The following TEKT5 variants were observed in gnomAD, a reference collection of about 807,000 sequenced individuals.
The protein encoded by TEKT5 is tektin 5, also known as tektin-5.
In TEKT5, 52 loss-of-function variants were observed where a neutral mutation model predicts 48.7. The observed-to-expected ratio is 1.07, with a 90% CI of 0.86 to 1.35. The LOEUF is 1.35. Among genes scored for constraint, TEKT5 ranks in the 40% most tolerant of loss-of-function variants. The pLI is 0.00. For synonymous variants in TEKT5, 318 were observed against 267.6 expected (o/e 1.19, Z -1.84); for missense variants, 831 against 641.6 (o/e 1.30, Z -3.19).
intron 3 of TEKT5, 139 bp from the exon 4 acceptor site, chr16:10,682,275 T>C (rs1318436850): frequency 4.6e-6 from 4 of 872,208 alleles, no homozygotes; most frequent in Non-Finnish European, 7.0e-6. Context: ...CCCACCTCCA[T>C]GTCCCACCAC....
chr16:10,652,765 AACACACACAC>A (rs59542661), intron 5 of TEKT5, among the ~76,000 whole-genome samples: 1 of 33,978 alleles, frequency 2.9e-5, no homozygotes, highest in African/African-American at 1.9e-4. Flanking sequence ...TACACAGGCA[AACACACACAC>A]ACACACACAC....
At chr16:10,655,860 C>G (rs1368698985) in intron 5 of TEKT5, among the ~76,000 whole-genome samples, 1 of 152,120 alleles carries the variant, frequency 6.6e-6, no homozygotes, top group Non-Finnish European at 1.5e-5. Flanking sequence ...TACCATGAAG[C>G]CATCTTGCAA....
intron 3 of TEKT5, among the ~76,000 whole-genome samples, chr16:10,684,654 G>C (rs1232771774): frequency 6.6e-6 from 1 of 152,124 alleles, no homozygotes; most frequent in East Asian, 1.9e-4. Context: ...AAACATGTTA[G>C]AGAATTAGAG....
At chr16:10,688,059 G>C (rs1898895165) in intron 3 of TEKT5, among the ~76,000 whole-genome samples, 1 of 152,120 alleles carries the variant, frequency 6.6e-6, no homozygotes, top group Non-Finnish European at 1.5e-5. Context: ...TTGTGCTTAA[G>C]GTTTTTTTAA....
intron 3 of TEKT5, among the ~76,000 whole-genome samples, chr16:10,688,946 C>T (rs1019289581): frequency 3.9e-5 from 6 of 152,150 alleles, no homozygotes; most frequent in East Asian, 1.9e-4. Context: ...CCAGGGCTCT[C>T]GCTGTAAACA....
chr16:10,631,675 A>C lies in TEKT5; in HGVS notation c.1242-3876T>G, dbSNP rs1380014970. On this transcript the variant is annotated intron_variant, in intron 6 of 6. Coordinates refer to ENST00000283025, the MANE Select transcript of TEKT5 (RefSeq NM_144674.2). ...GACTGATCTCCTGATAAGAGAAAGG[A>C]GAGGGAGGTTTGAGACATGGAGACA... is the stretch of plus-strand genomic sequence containing the variant. Among the ~76,000 whole-genome samples the C allele has an allele frequency of 3.3e-5, 5 of 152,052 alleles. No individual in the cohort carries two copies. In the East Asian group the frequency reaches 9.6e-4, roughly 29 times the overall value.
At position 10,646,060 on chromosome 16, in the gene TEKT5, G is replaced by A. The variant is rs181184722; in HGVS notation, c.1087-10142C>T. 1.9e-3 allele frequency among the ~76,000 whole-genome samples: 288 copies of A among 151,886 alleles called. 1 individual carries two copies. The highest frequency in any genetic ancestry group is 6.7e-3 in the African/African-American group (277 of 41,412). The stretch of plus-strand genomic sequence containing the variant: ...AGGAAGGATTGCTTGAGCCCAGAAG[G>A]TCGAGGTCGCACTCAGCTATGATCA... On this transcript the variant is annotated intron_variant, in intron 5 of 6. Transcript: ENST00000283025.
chr16:10,688,035 C>G (rs1180592856), intron 3 of TEKT5, among the ~76,000 whole-genome samples: 2 of 152,162 alleles, frequency 1.3e-5, no homozygotes, highest in African/African-American at 2.4e-5. Flanking sequence ...TTATTGTTGA[C>G]TGTAGTCACC....
chr16:10,664,149 AT>A (rs1244872310), intron 5 of TEKT5, among the ~76,000 whole-genome samples: 1 of 152,016 alleles, frequency 6.6e-6, no homozygotes, highest in Non-Finnish European at 1.5e-5. Flanking sequence ...TTTTAACTCT[AT>A]TTCCCCCTCT....
In TEKT5 at chr16:10,627,619, G is replaced by A; in HGVS notation, c.1422C>T (p.Thr474=). 1 of 1,614,210 alleles carries A rather than the reference G, an allele frequency of 6.2e-7. No individual in the cohort carries two copies. The highest frequency in any genetic ancestry group is 8.5e-7 in the Non-Finnish European group (1 of 1,180,026). ...DKEKCMGMRK[T]FPCTPRLVGH... ...CCACCAGGCGCGGGGTGCAGGGGAA[G>A]GTCTTACGCATGCCCATGCACTTCT... The change falls in exon 7 of 7, where the codon ACC becomes ACT. Residue 474 remains threonine, a synonymous_variant. Transcript: ENST00000283025.
chr16:10,688,287 G>A (rs767105251), intron 3 of TEKT5, among the ~76,000 whole-genome samples: 82 of 152,208 alleles, frequency 5.4e-4, no homozygotes, highest in Non-Finnish European at 4.4e-4. Flanking sequence ...CAAGCTCTTT[G>A]CTCTATGGGT....
At chr16:10,688,479 C>T (rs931652177) in intron 3 of TEKT5, among the ~76,000 whole-genome samples, 2 of 152,146 alleles carry the variant, frequency 1.3e-5, no homozygotes, top group African/African-American at 2.4e-5. Context: ...CACCAGGCAG[C>T]GGGAGGGACA....
intron 5 of TEKT5, among the ~76,000 whole-genome samples, chr16:10,649,829 T>C (rs2719754): frequency 0.1 from 15,864 of 152,190 alleles, 941 homozygotes; most frequent in African/African-American, 0.17. Context: ...ATTGAGAACA[T>C]GGCATTCCTG....
intron 5 of TEKT5, among the ~76,000 whole-genome samples, chr16:10,662,839 A>G (rs1898397708): frequency 6.6e-6 from 1 of 152,222 alleles, no homozygotes; most frequent in African/African-American, 2.4e-5. Context: ...TCTGTAAAAC[A>G]GGTCTAATAA....
At position 10,665,344 on chromosome 16, in the gene TEKT5, AGGGCTTCCAG is replaced by A. The variant is rs1163903343; in HGVS notation, c.1086+10605_1086+10614del. Among the ~76,000 whole-genome samples, 5 of 152,226 alleles carry A rather than the reference AGGGCTTCCAG, an allele frequency of 3.3e-5. No homozygotes were observed. In the East Asian group the frequency reaches 9.6e-4, roughly 29 times the overall value. On this transcript the variant is annotated intron_variant, in intron 5 of 6. Coordinates refer to ENST00000283025, the MANE Select transcript of TEKT5 (RefSeq NM_144674.2). Reference sequence around the variant, plus strand: ...ACCAATCCCAGTGATTGCCCTGCCCAGGGCTTCCAGGCAAAGCATATGATTGGCTGTCACC... The same window carrying A: ...ACCAATCCCAGTGATTGCCCTGCCCAGCAAAGCATATGATTGGCTGTCACC...
intron 5 of TEKT5, among the ~76,000 whole-genome samples, chr16:10,649,690 C>T (rs879879954): frequency 2.6e-5 from 4 of 152,200 alleles, no homozygotes; most frequent in African/African-American, 9.7e-5. Context: ...CCCACACTGG[C>T]CTCCTAAAGT....
At chr16:10,681,053 A>AC (rs1374402260) in intron 4 of TEKT5, among the ~76,000 whole-genome samples, 1 of 150,590 alleles carries the variant, frequency 6.6e-6, no homozygotes, top group South Asian at 2.1e-4. Context: ...AAAAAAAAAA[A>AC]AAAAACCTCA....
chr16:10,635,951 C>T (rs1258164816), intron 5 of TEKT5, 33 bp from the exon 6 acceptor site: 1 of 1,609,308 alleles, frequency 6.2e-7, no homozygotes, highest in African/African-American at 1.3e-5. Context: ...CACCACCCAC[C>T]AGGCCCTTCT....
intron 5 of TEKT5, among the ~76,000 whole-genome samples, chr16:10,651,511 T>G (rs926203900): frequency 2.6e-5 from 4 of 152,188 alleles, no homozygotes; most frequent in Admixed American, 2.6e-4. Context: ...TAAATAATAA[T>G]GATGATGATA....
Sources: allele counts gnomAD v4.1 joint callset (sites outside exome capture counted in the v4.1 genomes callset), GRCh38; gene constraint gnomAD v4.1.1; transcripts MANE v1.5; gene names NCBI Gene and HGNC (gene_info 2026-07-23, HGNC 2026-07-21).